KIF21B: variants seen among roughly 807,000 people sequenced by gnomAD.
KIF21B encodes kinesin family member 21B.
A neutral mutation model predicts 192.9 loss-of-function variants in KIF21B; 85 were observed. That is an observed-to-expected ratio of 0.44 (90% CI 0.37 to 0.53). The LOEUF is 0.53. Among genes scored for constraint, KIF21B ranks in the 20% least tolerant of loss-of-function variants. The pLI, the probability that KIF21B is intolerant of heterozygous loss-of-function variation, is 0.00. For missense variants in KIF21B, 1,716 were observed against 2,194.8 expected (o/e 0.78, Z 4.36); for synonymous variants, 832 against 884.6 (o/e 0.94, Z 1.05).
At chr1:200,986,031 G>A (rs932573008) in intron 26 of KIF21B, among the ~76,000 whole-genome samples, 1 of 151,432 alleles carries the variant, frequency 6.6e-6, no homozygotes, top group South Asian at 2.1e-4. Context: ...TATTTCAGTA[G>A]AGACTGGGTT....
chr1:201,007,337 C>T (rs1657926612), intron 3 of KIF21B, among the ~76,000 whole-genome samples: 1 of 104,456 alleles, frequency 9.6e-6, no homozygotes, highest in Non-Finnish European at 2.0e-5. Flanking sequence ...GACACACACA[C>T]AGACACAGAG....
Position 200,998,344 on chromosome 1 carries a change from A to C in KIF21B, c.2077+40T>G. The C allele has an allele frequency of 1.3e-6, 2 of 1,547,900 alleles. No homozygotes were observed. The highest frequency in any genetic ancestry group is 2.3e-4 in the Middle Eastern group (1 of 4,394). ...CAGAGGAGGGGCTCAGGGAAAAGGG[A>C]GGGTCCGGATGGGGTGGAGGGGCAT... On this transcript the variant is annotated intron_variant, in intron 14 of 34. Coordinates refer to ENST00000461742, the MANE Select transcript of KIF21B (RefSeq NM_001252102.2). This position sits in a 1 kb window ranked among gnomAD's most constrained non-coding sequence, Gnocchi z 4.3.
Position 200,987,219 on chromosome 1 carries a change from G to T in KIF21B, c.3409-18C>A. ...GGCTCGCTCTGGGAAAAGAAGAACA[G>T]GGTGGATCAACTTGCCCAAATTGCA... On this transcript the variant is annotated intron_variant, in intron 24 of 34. Transcript: ENST00000461742. 6.3e-7 allele frequency: 1 copy of T among 1,597,892 alleles called. No individual in the cohort carries two copies.
Position 200,999,188 on chromosome 1 carries a change from G to A in KIF21B, c.1885+161C>T, listed in dbSNP as rs751518947. Among the ~76,000 whole-genome samples the A allele has an allele frequency of 1.1e-4, 16 of 152,174 alleles. No homozygotes were observed. Among genetic ancestry groups the A allele is most frequent in the Admixed American group, 1.3e-4 (2 of 15,276 alleles). On this transcript the variant is annotated intron_variant, in intron 13 of 34. Coordinates refer to ENST00000461742, the MANE Select transcript of KIF21B (RefSeq NM_001252102.2). The surrounding 1 kb of genome is among the most constrained non-coding windows in gnomAD (Gnocchi z 4.7). ...GGCACCTAATGAACGACCAGGAAGT[G>A]TTTGCCATCATTCTCATCATGACTG...
Position 200,995,199 on chromosome 1 carries a change from T to C in KIF21B, c.2277+997A>G, listed in dbSNP as rs142176725. On this transcript the variant is annotated intron_variant, in intron 15 of 34. Coordinates refer to ENST00000461742, the MANE Select transcript of KIF21B (RefSeq NM_001252102.2). ...CTGCACATTGAGTCGGCTGTGAGCA[T>C]GTAGCTACCAATGGCTGCTAGATGC... is the stretch of plus-strand genomic sequence containing the variant. 9.7e-4 allele frequency among the ~76,000 whole-genome samples: 148 copies of C among 152,328 alleles called. 1 individual carries two copies. Among genetic ancestry groups the C allele is most frequent in the African/African-American group, 3.4e-3 (143 of 41,576 alleles).
chr1:200,988,154 T>G (rs1351977934), intron 24 of KIF21B, 142 bp downstream of exon 24: 1 of 832,658 alleles, frequency 1.2e-6, no homozygotes, highest in East Asian at 2.4e-5. Flanking sequence ...AATTCCAGAC[T>G]AAATTTTCTT....
In KIF21B at chr1:200,977,250, G is replaced by A. The variant is rs140567132; in HGVS notation, c.4287C>T (p.Ala1429=). ...ALSPSGTMLY[A]ASGNAVRIWE... ...AGATGCGGACGGCATTGCCCGAGGC[G>A]GCGTACAGCATGGTGCCCGAAGGGC... The change falls in exon 31 of 35, where the codon GCC becomes GCT. Residue 1429 remains alanine, a synonymous_variant. Coordinates refer to ENST00000461742, the MANE Select transcript of KIF21B (RefSeq NM_001252102.2). 280 of 1,613,924 alleles carry A rather than the reference G, an allele frequency of 1.7e-4. 1 individual carries two copies. Among genetic ancestry groups the A allele is most frequent in the Middle Eastern group, 5.0e-4 (3 of 6,060 alleles).
chr1:200,988,980 G>A (rs375900855), intron 21 of KIF21B, 49 bp from the exon 22 acceptor site: 6 of 1,547,470 alleles, frequency 3.9e-6, no homozygotes, highest in Non-Finnish European at 5.2e-6. Context: ...GGGGTTGGGA[G>A]TCACCCATAT....
intron 1 of KIF21B, among the ~76,000 whole-genome samples, chr1:201,022,597 C>G (rs895291539): frequency 1.3e-5 from 2 of 152,168 alleles, no homozygotes; most frequent in Admixed American, 1.3e-4. Context: ...TCATTTCTGC[C>G]GGCTCAAGTC....
chr1:201,004,228 A>G, intron 7 of KIF21B, 112 bp downstream of exon 7: 1 of 846,376 alleles, frequency 1.2e-6, no homozygotes, highest in Non-Finnish European at 1.9e-6. Context: ...GCAGCCTAGG[A>G]TGGGAAGGCC....
chr1:200,999,596 C>A lies in KIF21B; in HGVS notation c.1768-130G>T. 5 of 1,477,020 alleles carry A rather than the reference C, an allele frequency of 3.4e-6. No homozygotes were observed. The highest frequency in any genetic ancestry group is 4.5e-6 in the Non-Finnish European group (5 of 1,099,778). 91.5% of individuals were successfully genotyped at this position (1,477,020 alleles called of 1,614,324 possible). A position where few individuals can be genotyped will look rare whatever the true frequency, so the allele number is the denominator to read the frequency against. ...TTGGGGCAGGCCACAGCTGAGCCCC[C>A]CTGCCCACCCCCTACTCCTGGAAGA... On this transcript the variant is annotated intron_variant, in intron 12 of 34. Transcript: ENST00000461742. This position sits in a 1 kb window ranked among gnomAD's most constrained non-coding sequence, Gnocchi z 4.7.
In KIF21B at chr1:201,005,955, G is replaced by A. The variant is rs549274673; in HGVS notation, c.448-261C>T. On this transcript the variant is annotated intron_variant, in intron 3 of 34. Coordinates refer to ENST00000461742, the MANE Select transcript of KIF21B (RefSeq NM_001252102.2). ...CAGCTCGGTCCCAGCATGGGCTGAG[G>A]ACCAAAAGAGGACAAAGGGACACGG... Among the ~76,000 whole-genome samples, 14 of 152,372 alleles carry A rather than the reference G, an allele frequency of 9.2e-5. No individual in the cohort carries two copies. The East Asian group carries it at 2.7e-3, about 29-fold the overall frequency.
In KIF21B at chr1:200,982,252, A is replaced by G. The variant is rs1655980733; in HGVS notation, c.3842+804T>C. Among the ~76,000 whole-genome samples the G allele has an allele frequency of 6.6e-6, 1 of 152,212 alleles. No individual in the cohort carries two copies. Among genetic ancestry groups the G allele is most frequent in the Admixed American group, 6.5e-5 (1 of 15,286 alleles). On this transcript the variant is annotated intron_variant, in intron 28 of 34. Coordinates refer to ENST00000461742, the MANE Select transcript of KIF21B (RefSeq NM_001252102.2). This position sits in a 1 kb window ranked among gnomAD's most constrained non-coding sequence, Gnocchi z 4.7. ...AAGGGATCATGCTCCCCCCGATGAC[A>G]GCCTGGCCAGCTGGCTAACATCTTG...
At chr1:201,021,590 G>C (rs571492249) in intron 1 of KIF21B, among the ~76,000 whole-genome samples, 1 of 152,320 alleles carries the variant, frequency 6.6e-6, no homozygotes, top group East Asian at 1.9e-4. Flanking sequence ...GCAGTGGGAA[G>C]AGAACATCAG....
chr1:200,989,038 T>C, intron 21 of KIF21B, 107 bp from the exon 22 acceptor site: 2 of 1,150,540 alleles, frequency 1.7e-6, no homozygotes, highest in Non-Finnish European at 2.4e-6. Context: ...CCTTTCCAGC[T>C]CCCAACATCA....
rs1657381019 is a variant in KIF21B at position 201,000,096 on chromosome 1, A to C, written c.1686-132T>G. On this transcript the variant is annotated intron_variant, in intron 11 of 34. Transcript: ENST00000461742. This position sits in a 1 kb window ranked among gnomAD's most constrained non-coding sequence, Gnocchi z 6.0. ...GGGAGAGCACTGGCTCCTACTCTGC[A>C]GAGAACCCCACTGCTCTTCCCTAGG... is the stretch of plus-strand genomic sequence containing the variant. The C allele has an allele frequency of 2.4e-6, 2 of 818,774 alleles. No individual in the cohort carries two copies. The highest frequency in any genetic ancestry group is 4.2e-5 in the Admixed American group (2 of 47,352). The allele number at this position is 818,774 out of a possible 1,614,324, so 50.7% of individuals were successfully genotyped here.
In KIF21B at chr1:200,986,850, G is replaced by A; in HGVS notation, c.3683C>T (p.Pro1228Leu). ...TRRKSYDRGQ[P>L]IRSTDVGFTP... ...TTCTAGAACATGATCTCACCTAATG[G>A]GCTGCCCTCGGTCGTAGGACTTCCT... The change falls in exon 26 of 35, where the codon CCC (proline) becomes CTC (leucine). Residue 1228 changes from proline (P) to leucine (L), a missense_variant. Coordinates refer to ENST00000461742, the MANE Select transcript of KIF21B (RefSeq NM_001252102.2). 1 of 1,612,934 alleles carries A rather than the reference G, an allele frequency of 6.2e-7. No homozygotes were observed. The highest frequency in any genetic ancestry group is 8.5e-7 in the Non-Finnish European group (1 of 1,179,360).
chr1:200,995,545 C>G (rs1657002323), intron 15 of KIF21B, among the ~76,000 whole-genome samples: 1 of 152,232 alleles, frequency 6.6e-6, no homozygotes, highest in African/African-American at 2.4e-5. Flanking sequence ...GACTAGAGCA[C>G]TCTGAGTGGT....
At position 200,999,358 on chromosome 1, in the gene KIF21B, C is replaced by G; in HGVS notation, c.1876G>C (p.Glu626Gln). The change falls in exon 13 of 35, where the codon GAG becomes CAG. Residue 626 changes from glutamate to glutamine, a missense_variant. Physicochemically the swap from Glu to Gln is conservative, Grantham distance 29. Around this residue, in one of 3 missense-constraint regions of KIF21B, gnomAD observed 1,087 missense variants for 1,316.6 expected, o/e 0.83. Coordinates refer to ENST00000461742, the MANE Select transcript of KIF21B (RefSeq NM_001252102.2). The surrounding 1 kb of genome is among the most constrained non-coding windows in gnomAD (Gnocchi z 4.7). ...ESLVDSDSDP[E>Q]EKEVNFQADL... ...GCTCAGGCCCACGCACCCTTCTCCT[C>G]GGGGTCTGAGTCTGAGTCCACCAGG... 2 of 1,614,134 alleles carry G rather than the reference C, an allele frequency of 1.2e-6. No homozygotes were observed. Among genetic ancestry groups the G allele is most frequent in the South Asian group, 2.2e-5 (2 of 91,082 alleles).
Sources: gnomAD v4.1 joint callset for allele counts (sites outside exome capture counted in the v4.1 genomes callset) on GRCh38, gnomAD v4.1.1 for gene constraint, gnomAD v4.1.1 regional missense constraint, Gnocchi (gnomAD v3.1) non-coding constraint, MANE v1.5 for transcripts, NCBI Gene and HGNC (gene_info 2026-07-23, HGNC 2026-07-21) for gene names.